The following TANC1 variants were observed in gnomAD, a reference collection of about 807,000 sequenced individuals.
TANC1 encodes the protein protein TANC1.
In TANC1, 77 loss-of-function variants were observed where a neutral mutation model predicts 149.7. The ratio of observed to expected loss-of-function variants is 0.51; its 90% CI spans 0.43 to 0.62. The LOEUF is 0.62. Among genes scored for constraint, TANC1 ranks in the 20% least tolerant of loss-of-function variants. The pLI is 0.00. For missense variants in TANC1, 1,985 were observed against 2,321.8 expected (o/e 0.85, Z 2.98); for synonymous variants, 854 against 925.0 (o/e 0.92, Z 1.39).
intron 3 of TANC1, among the ~76,000 whole-genome samples, chr2:159,078,091 G>C (rs746444452): frequency 1.5e-4 from 23 of 152,248 alleles, no homozygotes; most frequent in Middle Eastern, 3.4e-3. Flanking sequence ...TCCTGGGTTT[G>C]TATCCTGGCT....
In TANC1 at chr2:159,016,405, G is replaced by A. The variant is rs10176512; in HGVS notation, c.-16+15216G>A. 4.1e-3 allele frequency among the ~76,000 whole-genome samples: 631 copies of A among 152,166 alleles called. 2 individuals are homozygous for A. The highest frequency in any genetic ancestry group is 0.015 in the African/African-American group (612 of 41,514). ...ACAATTCAAGGTGAGATTTGGGTGG[G>A]GACACAGAGCCAAACCATATTAGAC... is the stretch of plus-strand genomic sequence containing the variant. On this transcript the variant is annotated intron_variant, in intron 2 of 26. Coordinates refer to ENST00000263635, the MANE Select transcript of TANC1 (RefSeq NM_033394.3).
At chr2:159,081,700 T>G (rs1252299329) in intron 3 of TANC1, among the ~76,000 whole-genome samples, 1 of 152,208 alleles carries the variant, frequency 6.6e-6, no homozygotes. Flanking sequence ...CTTTTGTATT[T>G]TAAAGTAAGT....
intron 2 of TANC1, 95 bp from the exon 3 acceptor site, chr2:159,065,797 CTGTT>C (rs754734533): frequency 1.1e-4 from 100 of 883,096 alleles, no homozygotes; most frequent in South Asian, 3.5e-4. Flanking sequence ...ATTAAGCGGT[CTGTT>C]TGTTTGAACA....
At chr2:159,125,809 A>G (rs2049385915) in intron 4 of TANC1, among the ~76,000 whole-genome samples, 1 of 152,056 alleles carries the variant, frequency 6.6e-6, no homozygotes, top group African/African-American at 2.4e-5. Context: ...GCTGGTCTCG[A>G]ACTCCTGACC....
intron 3 of TANC1, among the ~76,000 whole-genome samples, chr2:159,066,458 TAAG>T (rs367840689): frequency 7.2e-5 from 11 of 152,172 alleles, no homozygotes; most frequent in African/African-American, 2.7e-4. Flanking sequence ...AACTTTATTA[TAAG>T]AAGTGACTTT....
In TANC1 at chr2:159,230,974, G is replaced by T; in HGVS notation, c.5548G>T (p.Ala1850Ser). ...NEAHRSHLTA[A>S]KPKRSFIESN... ...AGCCCACAGGAGCCACCTCACTGCAGCCAAACCAAAGCGATCATTTATAGA... is the reference window on the plus strand; with the variant it reads ...AGCCCACAGGAGCCACCTCACTGCATCCAAACCAAAGCGATCATTTATAGA... The change falls in exon 27 of 27, where the codon GCC becomes TCC. Residue 1850 changes from alanine (A) to serine (S), a missense_variant. This residue lies in a region of TANC1 where 920 missense variants were observed against 994.7 expected (regional missense o/e 0.92). Coordinates refer to ENST00000263635, the MANE Select transcript of TANC1 (RefSeq NM_033394.3). The surrounding 1 kb of genome is among the most constrained non-coding windows in gnomAD (Gnocchi z 4.4). 1 of 1,613,668 alleles carries T rather than the reference G, an allele frequency of 6.2e-7. No individual in the cohort carries two copies. The highest frequency in any genetic ancestry group is 8.5e-7 in the Non-Finnish European group (1 of 1,179,880).
chr2:159,081,898 A>G (rs2044310356), intron 3 of TANC1, among the ~76,000 whole-genome samples: 1 of 152,168 alleles, frequency 6.6e-6, no homozygotes. Context: ...TTAGCCTATA[A>G]CCAAAGGAGC....
intron 2 of TANC1, among the ~76,000 whole-genome samples, chr2:159,009,818 C>G (rs1274309369): frequency 6.6e-6 from 1 of 151,890 alleles, no homozygotes; most frequent in Non-Finnish European, 1.5e-5. Flanking sequence ...CTGATTTGAT[C>G]ACTATACATT....
intron 22 of TANC1, among the ~76,000 whole-genome samples, chr2:159,222,993 C>T (rs887997899): frequency 1.3e-5 from 2 of 152,320 alleles, no homozygotes; most frequent in Non-Finnish European, 2.9e-5. Flanking sequence ...GCAACCTCCG[C>T]CTCCTTGGTT....
At chr2:159,084,617 G>T (rs1201149588) in intron 3 of TANC1, among the ~76,000 whole-genome samples, 1 of 152,154 alleles carries the variant, frequency 6.6e-6, no homozygotes. Context: ...AGTTAGTGAG[G>T]GGGTGGTGTA....
intron 3 of TANC1, among the ~76,000 whole-genome samples, chr2:159,088,751 C>T (rs1245753008): frequency 6.6e-6 from 1 of 152,174 alleles, no homozygotes; most frequent in Non-Finnish European, 1.5e-5. Context: ...CAAGACAATT[C>T]TTCTTCCAAT....
chr2:159,083,441 A>G (rs1471860488), intron 3 of TANC1, among the ~76,000 whole-genome samples: 1 of 152,116 alleles, frequency 6.6e-6, no homozygotes, highest in Non-Finnish European at 1.5e-5. Context: ...TGTAAAGATA[A>G]ACTTGGAATA....
intron 3 of TANC1, among the ~76,000 whole-genome samples, chr2:159,069,991 A>C (rs919871267): frequency 6.6e-6 from 1 of 151,832 alleles, no homozygotes; most frequent in Non-Finnish European, 1.5e-5. Flanking sequence ...CATGTTGCCC[A>C]GGCTGGTTTC....
intron 3 of TANC1, among the ~76,000 whole-genome samples, chr2:159,096,008 GT>G (rs749532220): frequency 1.3e-5 from 2 of 152,054 alleles, no homozygotes; most frequent in East Asian, 1.9e-4. Flanking sequence ...TGTATGTGTG[GT>G]TTTTTTGGTT....
chr2:158,974,907 A>AT (rs3028258), intron 1 of TANC1, among the ~76,000 whole-genome samples: 1,552 of 103,250 alleles, frequency 0.015, 43 homozygotes, highest in African/African-American at 0.033. Context: ...TAATTTTTGT[A>AT]TTTTTTTTTT....
At chr2:159,006,984 A>G (rs2037251551) in intron 2 of TANC1, among the ~76,000 whole-genome samples, 1 of 152,340 alleles carries the variant, frequency 6.6e-6, no homozygotes, top group Admixed American at 6.5e-5. Context: ...TTACACAGGT[A>G]TGCAAAATTG....
chr2:159,164,080 A>G (rs2054327443), intron 8 of TANC1, among the ~76,000 whole-genome samples: 1 of 152,184 alleles, frequency 6.6e-6, no homozygotes, highest in East Asian at 1.9e-4. Flanking sequence ...AATATTCGAG[A>G]TAGACATGCT....
intron 1 of TANC1, among the ~76,000 whole-genome samples, chr2:158,993,442 G>T (rs566458732): frequency 1.3e-5 from 2 of 152,254 alleles, no homozygotes; most frequent in African/African-American, 4.8e-5. Context: ...TGTAGAGACA[G>T]GGTTTCACCA....
intron 2 of TANC1, among the ~76,000 whole-genome samples, chr2:159,047,973 C>T (rs1189897167): frequency 6.6e-6 from 1 of 152,176 alleles, no homozygotes; most frequent in Admixed American, 6.5e-5. Flanking sequence ...TAGGTATAGT[C>T]CTACAAACTT....
Sources: allele counts gnomAD v4.1 joint callset (sites outside exome capture counted in the v4.1 genomes callset), GRCh38; gene constraint gnomAD v4.1.1; regional missense constraint gnomAD v4.1.1; non-coding constraint Gnocchi (gnomAD v3.1); transcripts MANE v1.5; gene names NCBI Gene and HGNC (gene_info 2026-07-23, HGNC 2026-07-21).